Variants in LRMDA observed in about 807,000 individuals in gnomAD.
LRMDA encodes leucine-rich melanocyte differentiation-associated protein.
LRMDA carries 18 observed loss-of-function variants against 29.8 expected under a neutral mutation model. The observed-to-expected ratio is 0.60, with a 90% CI of 0.42 to 0.90. The LOEUF (loss-of-function observed/expected upper bound fraction) is 0.90. LRMDA is among the 40% of genes least tolerant of loss of function. The probability of loss-of-function intolerance (pLI) is 0.00; values close to 1 mark genes in which losing one functional copy is unlikely to be tolerated. For synonymous variants in LRMDA, 125 were observed against 109.4 expected, an observed-to-expected ratio of 1.14 and a Z score of -0.89; for missense variants, 273 against 273.9, an observed-to-expected ratio of 1.00 and a Z score of 0.02.
intron 2 of LRMDA, among the ~76,000 whole-genome samples, chr10:75,799,723 T>TGTGTGTGTGTG (rs1564570929): frequency 6.8e-6 from 1 of 147,754 alleles, no homozygotes; most frequent in African/African-American, 2.5e-5. Context: ...TGTGTGTGTG[T>TGTGTGTGTGTG]TTAGTAGAGA....
chr10:76,229,294 C>G (rs1010622420), intron 5 of LRMDA, among the ~76,000 whole-genome samples: 1 of 152,128 alleles, frequency 6.6e-6, no homozygotes, highest in Non-Finnish European at 1.5e-5. Flanking sequence ...CCAATAACCC[C>G]GTGAGATTCG....
chr10:76,495,365 A>G (rs1045551173), intron 6 of LRMDA, among the ~76,000 whole-genome samples: 1 of 151,828 alleles, frequency 6.6e-6, no homozygotes, highest in Non-Finnish European at 1.5e-5. Flanking sequence ...TGTTTCATTG[A>G]TTAATGTATC....
chr10:76,054,327 G>A lies in LRMDA; in HGVS notation c.399-4339G>A, dbSNP rs531112341. ...AAAATCATCCCTCATTTCAGGGGGT[G>A]ACTGGCAGCCTGTGTCATGGGCTGT... On this transcript the variant is annotated intron_variant, in intron 4 of 6. Transcript: ENST00000611255. Among the ~76,000 whole-genome samples the A allele has an allele frequency of 2.6e-5, 4 of 152,174 alleles. No individual in the cohort carries two copies. The South Asian group carries it at 8.3e-4, about 32-fold the overall frequency.
intron 2 of LRMDA, among the ~76,000 whole-genome samples, chr10:75,553,253 A>G (rs1840174335): frequency 6.6e-6 from 1 of 152,186 alleles, no homozygotes; most frequent in Non-Finnish European, 1.5e-5. Flanking sequence ...TAATTGAGCT[A>G]GATCTGAGTT....
rs369388492 is a variant in LRMDA, at chr10:76,112,252, G to A, written c.516+53469G>A. On this transcript the variant is annotated intron_variant, in intron 5 of 6. Transcript: ENST00000611255. ...CACCGGGCAACTTCCCTTCTGCCAG[G>A]AGGCTCTGGGTGGGGGGTTCATTCA... 3.3e-4 allele frequency among the ~76,000 whole-genome samples: 50 copies of A among 152,258 alleles called. No individual in the cohort carries two copies. The East Asian group carries it at 4.9e-3, about 15-fold the overall frequency.
chr10:75,865,565 T>G (rs893562664), intron 2 of LRMDA, among the ~76,000 whole-genome samples: 4 of 152,164 alleles, frequency 2.6e-5, no homozygotes, highest in Non-Finnish European at 5.9e-5. Flanking sequence ...AAGAAAAGGA[T>G]GTTATCTTAC....
At position 76,498,945 on chromosome 10, in the gene LRMDA, G is replaced by C. The variant is rs188708624; in HGVS notation, c.602-58264G>C. Among the ~76,000 whole-genome samples the C allele has an allele frequency of 9.0e-4, 66 of 73,680 alleles. 28 individuals are homozygous for C. The highest frequency in any genetic ancestry group is 2.9e-3 in the South Asian group (8 of 2,724). The allele number at this position is 73,680 out of a possible 152,430, so 48.3% of individuals were successfully genotyped here. A position where few individuals can be genotyped will look rare whatever the true frequency, so the allele number is the denominator to read the frequency against. On this transcript the variant is annotated intron_variant, in intron 6 of 6. Coordinates refer to ENST00000611255, the MANE Select transcript of LRMDA (RefSeq NM_001305581.2). ...CATAGTCTATTTATAAGCCTTACAA[G>C]TTAATGCTGGAAAGGCCAATGAGAA...
chr10:76,352,921 A>C (rs918095283), intron 6 of LRMDA, among the ~76,000 whole-genome samples: 3 of 152,006 alleles, frequency 2.0e-5, no homozygotes, highest in Non-Finnish European at 2.9e-5. Context: ...TGTGGGCCAT[A>C]TCCACTTTTG....
At chr10:76,001,850 C>G (rs1232865262) in intron 2 of LRMDA, among the ~76,000 whole-genome samples, 1 of 152,142 alleles carries the variant, frequency 6.6e-6, no homozygotes, top group Non-Finnish European at 1.5e-5. Context: ...AAATTGTATA[C>G]TGCAACATTT....
At chr10:76,033,488 C>G (rs1848186525) in intron 2 of LRMDA, among the ~76,000 whole-genome samples, 1 of 152,126 alleles carries the variant, frequency 6.6e-6, no homozygotes, top group Admixed American at 6.5e-5. Flanking sequence ...GAGGTGGGCG[C>G]TTCCTTGGTG....
chr10:75,744,913 C>T (rs1842872192), intron 2 of LRMDA, among the ~76,000 whole-genome samples: 1 of 152,198 alleles, frequency 6.6e-6, no homozygotes, highest in Admixed American at 6.5e-5. Flanking sequence ...GCCTGAAGAC[C>T]TTCCTGTGCC....
At chr10:75,905,493 T>A (rs1845743498) in intron 2 of LRMDA, among the ~76,000 whole-genome samples, 1 of 152,104 alleles carries the variant, frequency 6.6e-6, no homozygotes, top group Non-Finnish European at 1.5e-5. Context: ...ATTACATCAA[T>A]TTGATCTTTA....
chr10:75,762,176 A>G (rs1843105904), intron 2 of LRMDA, among the ~76,000 whole-genome samples: 1 of 152,178 alleles, frequency 6.6e-6, no homozygotes, highest in African/African-American at 2.4e-5. Context: ...TGTGCAGGGC[A>G]CAGTAACAAG....
At chr10:75,609,315 G>A (rs1452326254) in intron 2 of LRMDA, among the ~76,000 whole-genome samples, 1 of 152,206 alleles carries the variant, frequency 6.6e-6, no homozygotes, top group Non-Finnish European at 1.5e-5. Flanking sequence ...GGCTGTTCAT[G>A]AGTGAAGTGT....
At chr10:75,889,514 A>AT (rs1845447522) in intron 2 of LRMDA, among the ~76,000 whole-genome samples, 2 of 152,002 alleles carry the variant, frequency 1.3e-5, no homozygotes, top group African/African-American at 4.8e-5. Context: ...ATGGATTATT[A>AT]TTTTTTTTCC....
At chr10:76,137,414 G>A (rs925957665) in intron 5 of LRMDA, among the ~76,000 whole-genome samples, 9 of 152,172 alleles carry the variant, frequency 5.9e-5, no homozygotes, top group Non-Finnish European at 5.9e-5. Flanking sequence ...TCACCAAGAC[G>A]AGGGGCAACG....
intron 2 of LRMDA, among the ~76,000 whole-genome samples, chr10:75,972,153 G>A (rs1846984575): frequency 6.6e-6 from 1 of 152,148 alleles, no homozygotes; most frequent in South Asian, 2.1e-4. Flanking sequence ...TAGCAGCCCA[G>A]GGATGATGAC....
At chr10:76,158,642 C>T (rs1312812600) in intron 5 of LRMDA, among the ~76,000 whole-genome samples, 1 of 152,134 alleles carries the variant, frequency 6.6e-6, no homozygotes, top group Non-Finnish European at 1.5e-5. Flanking sequence ...TTTTAAAAAT[C>T]TAATTTAATG....
intron 2 of LRMDA, among the ~76,000 whole-genome samples, chr10:75,730,337 C>A (rs755774287): frequency 6.6e-6 from 1 of 152,014 alleles, no homozygotes; most frequent in Non-Finnish European, 1.5e-5. Context: ...CAACACAGAT[C>A]AACAGATGCA....
Sources: gnomAD v4.1 joint callset for allele counts (sites outside exome capture counted in the v4.1 genomes callset) on GRCh38, gnomAD v4.1.1 for gene constraint, MANE v1.5 for transcripts, NCBI Gene and HGNC (gene_info 2026-07-23, HGNC 2026-07-21) for gene names.